Variants in RBFOX1 observed in about 807,000 individuals in gnomAD.
The protein encoded by RBFOX1 is RNA binding protein fox-1 homolog 1.
RBFOX1 carries 8 observed loss-of-function variants against 57.7 expected under a neutral mutation model. The observed-to-expected ratio is 0.14, with a 90% CI of 0.08 to 0.25. RBFOX1 has a LOEUF of 0.25. RBFOX1 is among the 10% of genes least tolerant of loss of function. The probability of loss-of-function intolerance (pLI) is 1.00; values close to 1 mark genes in which losing one functional copy is unlikely to be tolerated. For synonymous variants in RBFOX1, 326 were observed against 222.4 expected, an observed-to-expected ratio of 1.47 and a Z score of -4.15; for missense variants, 611 against 548.5, an observed-to-expected ratio of 1.11 and a Z score of -1.14.
chr16:7,555,938 TAC>T (rs1432401664), intron 5 of RBFOX1, among the ~76,000 whole-genome samples: 3 of 152,202 alleles, frequency 2.0e-5, no homozygotes, highest in Admixed American at 6.5e-5. Context: ...TCCTAAAACT[TAC>T]GTTCCTTGAG....
At chr16:7,605,803 C>G (rs907516883) in intron 9 of RBFOX1, among the ~76,000 whole-genome samples, 5 of 152,146 alleles carry the variant, frequency 3.3e-5, no homozygotes, top group Admixed American at 2.0e-4. Context: ...GGACTCAGAG[C>G]AAAGGACTAC....
chr16:6,291,102 A>G (rs73521144), intron 1 of RBFOX1, among the ~76,000 whole-genome samples: 24,091 of 152,168 alleles, frequency 0.16, 2,282 homozygotes, highest in Non-Finnish European at 0.2. Context: ...TGCTGGGAGT[A>G]CAGCAGTGGT....
At chr16:5,315,401 T>C (rs1041115801) in intron 1 of RBFOX1, among the ~76,000 whole-genome samples, 5 of 152,306 alleles carry the variant, frequency 3.3e-5, no homozygotes, top group Non-Finnish European at 5.9e-5. Context: ...TCTTGCAGGA[T>C]CTAAATCAAC....
At chr16:6,611,372 CCT>C (rs547365370) in intron 2 of RBFOX1, among the ~76,000 whole-genome samples, 148 of 152,304 alleles carry the variant, frequency 9.7e-4, no homozygotes, top group African/African-American at 3.5e-3. Flanking sequence ...ATCTCAAACT[CCT>C]GACCTCAGGT....
At chr16:6,740,722 A>G (rs528207731) in intron 3 of RBFOX1, among the ~76,000 whole-genome samples, 108 of 152,306 alleles carry the variant, frequency 7.1e-4, no homozygotes, top group Admixed American at 8.5e-4. Context: ...AAAGGCCAAC[A>G]TGTAAATAGA....
intron 3 of RBFOX1, among the ~76,000 whole-genome samples, chr16:6,803,693 C>G (rs148988061): frequency 2.6e-4 from 40 of 152,270 alleles, no homozygotes; most frequent in African/African-American, 7.5e-4. Flanking sequence ...GATATTTTAC[C>G]AGACAGAGAA....
intron 1 of RBFOX1, among the ~76,000 whole-genome samples, chr16:5,406,560 G>T: frequency 6.6e-6 from 1 of 151,396 alleles, no homozygotes; most frequent in South Asian, 2.1e-4. Flanking sequence ...CTCTCTCTGT[G>T]TTTCTCTCTC....
intron 1 of RBFOX1, among the ~76,000 whole-genome samples, chr16:6,309,065 A>G (rs2079906658): frequency 6.6e-6 from 1 of 152,044 alleles, no homozygotes; most frequent in Non-Finnish European, 1.5e-5. Context: ...GATTGAAATA[A>G]TCAGGTCTCA....
intron 3 of RBFOX1, among the ~76,000 whole-genome samples, chr16:5,761,571 G>T (rs2053590843): frequency 6.6e-6 from 1 of 152,152 alleles, no homozygotes. Flanking sequence ...GAGAGCTTGT[G>T]TAGGGGAACT....
chr16:6,939,946 C>T (rs144640186), intron 3 of RBFOX1, among the ~76,000 whole-genome samples: 5 of 152,240 alleles, frequency 3.3e-5, no homozygotes, highest in African/African-American at 9.6e-5. Context: ...AATGATATAG[C>T]AGGAATGACA....
intron 4 of RBFOX1, among the ~76,000 whole-genome samples, chr16:7,286,445 C>CTT (rs1555669859): frequency 1.4e-5 from 2 of 143,692 alleles, no homozygotes; most frequent in African/African-American, 2.6e-5. Flanking sequence ...TTGATACTTT[C>CTT]TTATTTTTTT....
At chr16:7,371,556 C>G (rs1464328086) in intron 4 of RBFOX1, among the ~76,000 whole-genome samples, 1 of 152,078 alleles carries the variant, frequency 6.6e-6, no homozygotes, top group African/African-American at 2.4e-5. Flanking sequence ...TCGAGACCAG[C>G]CTGGCCAACA....
rs1567555067 is a variant in RBFOX1, at chr16:7,504,775, A to ATATATATTTATATATATATATT, written c.28-13365_28-13364insTTATATATATATATTTATATAT. ...TATATTTATATATATATATATTTAT[A>ATATATATTTATATATATATATT]TATATATATATTTATATATATATAT... On this transcript the variant is annotated intron_variant, in intron 4 of 15. Coordinates refer to ENST00000550418, the MANE Select transcript of RBFOX1 (RefSeq NM_018723.4). Among the ~76,000 whole-genome samples the ATATATATTTATATATATATATT allele has an allele frequency of 9.1e-4, 13 of 14,242 alleles. 2 individuals carry two copies. The highest frequency in any genetic ancestry group is 8.7e-3 in the East Asian group (10 of 1,144). 9.3% of individuals were successfully genotyped at this position (14,242 alleles called of 152,430 possible). A position where few individuals can be genotyped will look rare whatever the true frequency, so the allele number is the denominator to read the frequency against.
At chr16:5,901,651 A>G (rs1444693323) in intron 4 of RBFOX1, among the ~76,000 whole-genome samples, 4 of 152,238 alleles carry the variant, frequency 2.6e-5, no homozygotes, top group South Asian at 2.1e-4. Context: ...TTGGAGAGTA[A>G]GGATATAGGA....
Position 7,247,508 on chromosome 16 carries a change from C to T in RBFOX1, c.27+195410C>T, listed in dbSNP as rs140159179. ...AAATGTTAGCTAAAGTTGAGAATTACTAATTTTTCTGTAAGACCCTGTGCC... is the reference window on the plus strand; with the variant it reads ...AAATGTTAGCTAAAGTTGAGAATTATTAATTTTTCTGTAAGACCCTGTGCC... On this transcript the variant is annotated intron_variant, in intron 4 of 15. Transcript: ENST00000550418. Among the ~76,000 whole-genome samples the T allele has an allele frequency of 5.3e-5, 8 of 152,262 alleles. No homozygotes were observed. The East Asian group carries it at 1.5e-3, about 29-fold the overall frequency.
chr16:6,974,636 C>T (rs1445323643), intron 3 of RBFOX1, among the ~76,000 whole-genome samples: 1 of 152,040 alleles, frequency 6.6e-6, no homozygotes, highest in African/African-American at 2.4e-5. Context: ...TGAGTCACTG[C>T]ACCTGGCCCA....
Position 6,562,855 on chromosome 16 carries a change from TC to T in RBFOX1, c.-63-91747del, listed in dbSNP as rs1567693387. ...TCTTTTCTTTCTTTCTTTCTTTCTTTCTTTCTTTCTTTCTTTCTTTCTTTCT... is the reference window on the plus strand; with the variant it reads ...TCTTTTCTTTCTTTCTTTCTTTCTTTTTTCTTTCTTTCTTTCTTTCTTTCT... On this transcript the variant is annotated intron_variant, in intron 2 of 15. Transcript: ENST00000550418. Among the ~76,000 whole-genome samples the T allele has an allele frequency of 4.5e-3, 269 of 59,356 alleles. 4 individuals carry two copies. The highest frequency in any genetic ancestry group is 0.019 in the African/African-American group (247 of 12,840). 38.9% of individuals were successfully genotyped at this position (59,356 alleles called of 152,430 possible).
intron 4 of RBFOX1, among the ~76,000 whole-genome samples, chr16:7,132,232 C>T (rs953427015): frequency 3.9e-5 from 6 of 151,978 alleles, no homozygotes; most frequent in African/African-American, 1.4e-4. Context: ...CTGCCTGTCT[C>T]GGCCTCCCAA....
At chr16:5,719,715 A>T (rs938532740) in intron 3 of RBFOX1, among the ~76,000 whole-genome samples, 1 of 152,038 alleles carries the variant, frequency 6.6e-6, no homozygotes, top group African/African-American at 2.4e-5. Context: ...TTGAAGCTTC[A>T]TCTCTGCTGT....
Sources: allele counts gnomAD v4.1 joint callset (sites outside exome capture counted in the v4.1 genomes callset), GRCh38; gene constraint gnomAD v4.1.1; transcripts MANE v1.5; gene names NCBI Gene and HGNC (gene_info 2026-07-23, HGNC 2026-07-21).